Variants in KAZN observed in about 807,000 individuals in gnomAD.
The protein encoded by KAZN is kazrin.
A neutral mutation model predicts 87.4 loss-of-function variants in KAZN; 40 were observed. That is an observed-to-expected ratio of 0.46 (90% confidence interval 0.36 to 0.60). The LOEUF (loss-of-function observed/expected upper bound fraction) is 0.60, where lower values mean the gene tolerates loss of function less well. Ranked by LOEUF, KAZN falls within the 20% of genes least tolerant of loss-of-function variation. The pLI is 0.00. For synonymous variants in KAZN, 466 were observed against 458.3 expected (o/e 1.02, Z -0.22); for missense variants, 898 against 1,073.9 (o/e 0.84, Z 2.29).
intron 4 of KAZN, among the ~76,000 whole-genome samples, chr1:15,052,409 C>T (rs12023519): frequency 3.7e-4 from 56 of 152,054 alleles, no homozygotes; most frequent in African/African-American, 1.1e-3. Flanking sequence ...AAGAACAGCA[C>T]GGGAAAAACC....
chr1:14,067,707 AG>A (rs1226300393), intron 1 of KAZN, among the ~76,000 whole-genome samples: 1 of 152,202 alleles, frequency 6.6e-6, no homozygotes, highest in Non-Finnish European at 1.5e-5. Flanking sequence ...ATCCAATTCA[AG>A]CTTGCTAAGG....
At chr1:14,872,281 A>G (rs1473372187) in intron 1 of KAZN, among the ~76,000 whole-genome samples, 2 of 152,236 alleles carry the variant, frequency 1.3e-5, no homozygotes, top group East Asian at 3.9e-4. Flanking sequence ...GTGCTGTCTG[A>G]TAGAACTTCC....
chr1:14,393,904 ATGTG>A (rs1662667502), intron 2 of KAZN, among the ~76,000 whole-genome samples: 1 of 151,050 alleles, frequency 6.6e-6, no homozygotes, highest in Non-Finnish European at 1.5e-5. Context: ...GCTGAAAGAA[ATGTG>A]TGTGTTTTTT....
At chr1:14,690,830 G>T (rs1028386857) in intron 1 of KAZN, among the ~76,000 whole-genome samples, 1 of 151,930 alleles carries the variant, frequency 6.6e-6, no homozygotes, top group Non-Finnish European at 1.5e-5. Context: ...TACACTCCCC[G>T]CCCCTCCTCA....
intron 1 of KAZN, among the ~76,000 whole-genome samples, chr1:13,962,401 T>A (rs1020340424): frequency 6.6e-6 from 1 of 152,088 alleles, no homozygotes; most frequent in Admixed American, 6.5e-5. Context: ...TGAGCAACTT[T>A]GTCCACACAG....
intron 2 of KAZN, among the ~76,000 whole-genome samples, chr1:14,527,418 G>T (rs1032138797): frequency 6.6e-6 from 1 of 151,932 alleles, no homozygotes; most frequent in South Asian, 2.1e-4. Context: ...GCGTGGTGGC[G>T]GGCACCTGTA....
rs12136164 is a variant in KAZN, at chr1:14,499,162, C to T, written c.250-99821C>T. On this transcript the variant is annotated intron_variant, in intron 2 of 16. Transcript: ENST00000636203. ...ACTAAGATCATGCCAAAGTGGACAT[C>T]GGGTGACTGGAGTTCTGATGCTAGC... Among the ~76,000 whole-genome samples, 305 of 151,976 alleles carry T rather than the reference C, an allele frequency of 2.0e-3. 1 individual carries two copies. Among genetic ancestry groups the T allele is most frequent in the African/African-American group, 7.1e-3 (293 of 41,484 alleles).
chr1:15,041,331 CT>C (rs71000360), intron 3 of KAZN, among the ~76,000 whole-genome samples: 11,004 of 114,080 alleles, frequency 0.096, 780 homozygotes, highest in African/African-American at 0.24. Flanking sequence ...CATTTTTTTT[CT>C]TTTTTTTTTT....
intron 1 of KAZN, among the ~76,000 whole-genome samples, chr1:14,922,812 A>T (rs1039057043): frequency 6.6e-5 from 10 of 151,052 alleles, no homozygotes; most frequent in African/African-American, 2.4e-4. Context: ...AAAAAAAAAA[A>T]AGTGCCAGCT....
At chr1:14,987,733 T>C (rs1666966142) in intron 2 of KAZN, among the ~76,000 whole-genome samples, 1 of 151,744 alleles carries the variant, frequency 6.6e-6, no homozygotes, top group African/African-American at 2.4e-5. Context: ...GGGTAAGGAG[T>C]TTGGATTTTG....
intron 2 of KAZN, among the ~76,000 whole-genome samples, chr1:14,326,279 AC>A: frequency 6.6e-6 from 1 of 152,228 alleles, no homozygotes; most frequent in East Asian, 1.9e-4. Flanking sequence ...CAGGCTATAT[AC>A]CAAAAAGCCA....
At chr1:15,000,507 C>T (rs1465847462) in intron 2 of KAZN, among the ~76,000 whole-genome samples, 2 of 151,776 alleles carry the variant, frequency 1.3e-5, no homozygotes, top group Non-Finnish European at 2.9e-5. Flanking sequence ...TGAGGAGGCA[C>T]CTCGGGGGGT....
At chr1:14,927,190 C>T (rs1244205675) in intron 1 of KAZN, among the ~76,000 whole-genome samples, 2 of 152,202 alleles carry the variant, frequency 1.3e-5, no homozygotes, top group African/African-American at 4.8e-5. Context: ...TTCCAGAGCC[C>T]CCTCAGAGTG....
chr1:14,677,623 T>A (rs1640305625), intron 1 of KAZN, among the ~76,000 whole-genome samples: 1 of 152,082 alleles, frequency 6.6e-6, no homozygotes. Context: ...AGGGTTCCTC[T>A]GGGAAGGGTT....
intron 1 of KAZN, among the ~76,000 whole-genome samples, chr1:14,165,818 A>G (rs1374439320): frequency 1.3e-5 from 2 of 152,172 alleles, no homozygotes; most frequent in Non-Finnish European, 1.5e-5. Flanking sequence ...AAACTCTTTG[A>G]CAGAGATTCT....
chr1:14,932,451 G>T (rs1261230618), intron 1 of KAZN, among the ~76,000 whole-genome samples: 1 of 152,188 alleles, frequency 6.6e-6, no homozygotes, highest in Non-Finnish European at 1.5e-5. Flanking sequence ...GAGGTTTCGA[G>T]GAGAGCCTGC....
chr1:14,021,569 T>C (rs1395510608), intron 1 of KAZN, among the ~76,000 whole-genome samples: 3 of 152,222 alleles, frequency 2.0e-5, no homozygotes, highest in East Asian at 3.8e-4. Flanking sequence ...TAGGTCTCTC[T>C]ATTTTTTCCA....
At chr1:14,245,997 G>A (rs1649468942) in intron 2 of KAZN, among the ~76,000 whole-genome samples, 1 of 152,204 alleles carries the variant, frequency 6.6e-6, no homozygotes, top group Non-Finnish European at 1.5e-5. Flanking sequence ...TATTAATGTA[G>A]CCATAAAAAG....
intron 2 of KAZN, among the ~76,000 whole-genome samples, chr1:14,213,741 G>T (rs202153364): frequency 2.0e-4 from 31 of 152,162 alleles, no homozygotes; most frequent in Admixed American, 1.6e-3. Context: ...GACTATGTTG[G>T]GGGGAGACTA....
Sources: gnomAD v4.1 joint callset for allele counts (sites outside exome capture counted in the v4.1 genomes callset) on GRCh38, gnomAD v4.1.1 for gene constraint, MANE v1.5 for transcripts, NCBI Gene and HGNC (gene_info 2026-07-23, HGNC 2026-07-21) for gene names.